Variants in ROBO1 observed in about 807,000 individuals in gnomAD.
The protein encoded by ROBO1 is roundabout guidance receptor 1.
Under a neutral mutation model 195.9 loss-of-function variants are expected in ROBO1, and 149 were observed. The ratio of observed to expected loss-of-function variants is 0.76; its 90% CI spans 0.67 to 0.87. The LOEUF (loss-of-function observed/expected upper bound fraction) is 0.87, where lower values mean the gene tolerates loss of function less well. ROBO1 is among the 40% of genes least tolerant of loss of function. The probability of loss-of-function intolerance (pLI) is 0.00; values close to 1 mark genes in which losing one functional copy is unlikely to be tolerated. For missense variants in ROBO1, 1,933 were observed against 2,068.3 expected (o/e 0.93, Z 1.27); for synonymous variants, 816 against 733.2 (o/e 1.11, Z -1.82).
At chr3:79,698,488 A>G (rs1187244600) in intron 1 of ROBO1, among the ~76,000 whole-genome samples, 1 of 151,438 alleles carries the variant, frequency 6.6e-6, no homozygotes, top group East Asian at 1.9e-4. Flanking sequence ...ATGATAGATA[A>G]TAATTTGATT....
At chr3:78,847,700 C>G (rs578173097) in intron 4 of ROBO1, among the ~76,000 whole-genome samples, 1 of 152,136 alleles carries the variant, frequency 6.6e-6, no homozygotes, top group South Asian at 2.1e-4. Context: ...CCTATTATTA[C>G]GATTATTTTA....
At chr3:79,663,765 C>T (rs183198977) in intron 1 of ROBO1, among the ~76,000 whole-genome samples, 12 of 152,108 alleles carry the variant, frequency 7.9e-5, no homozygotes, top group Admixed American at 5.9e-4. Flanking sequence ...ATGACATTGC[C>T]GACTGTTCAG....
chr3:79,562,335 G>A (rs1336693554), intron 2 of ROBO1, among the ~76,000 whole-genome samples: 2 of 152,010 alleles, frequency 1.3e-5, no homozygotes, highest in South Asian at 2.1e-4. Flanking sequence ...AGTAAAAGTA[G>A]TAGTACAGCA....
intron 2 of ROBO1, among the ~76,000 whole-genome samples, chr3:79,193,000 G>T (rs747385440): frequency 6.6e-6 from 1 of 151,660 alleles, no homozygotes; most frequent in Non-Finnish European, 1.5e-5. Context: ...ATGGTTACAT[G>T]TGGAAAGTGA....
At chr3:78,672,708 A>G (rs1438681147) in intron 10 of ROBO1, among the ~76,000 whole-genome samples, 1 of 152,204 alleles carries the variant, frequency 6.6e-6, no homozygotes, top group Non-Finnish European at 1.5e-5. Context: ...AATACTCGTA[A>G]AATGTTTACA....
At chr3:78,934,567 C>T (rs1188383286) in intron 4 of ROBO1, among the ~76,000 whole-genome samples, 2 of 151,826 alleles carry the variant, frequency 1.3e-5, no homozygotes, top group East Asian at 1.9e-4. Context: ...TGTATTTTCA[C>T]ATACATATAT....
At chr3:79,712,444 C>A (rs747788084) in intron 1 of ROBO1, among the ~76,000 whole-genome samples, 2 of 152,126 alleles carry the variant, frequency 1.3e-5, no homozygotes, top group South Asian at 2.1e-4. Flanking sequence ...GGCTCTAACT[C>A]TCTCCAATTC....
At chr3:79,620,676 C>T (rs1944979539) in intron 1 of ROBO1, among the ~76,000 whole-genome samples, 1 of 152,054 alleles carries the variant, frequency 6.6e-6, no homozygotes, top group Non-Finnish European at 1.5e-5. Flanking sequence ...CACATCCTCC[C>T]CTTGTGTCTC....
At chr3:79,581,994 C>T (rs781761353) in intron 2 of ROBO1, among the ~76,000 whole-genome samples, 1 of 151,656 alleles carries the variant, frequency 6.6e-6, no homozygotes, top group Non-Finnish European at 1.5e-5. Flanking sequence ...AATATCTATA[C>T]AAGGAACAAA....
intron 8 of ROBO1, among the ~76,000 whole-genome samples, chr3:78,713,132 A>G (rs2081806274): frequency 6.6e-6 from 1 of 151,914 alleles, no homozygotes; most frequent in African/African-American, 2.4e-5. Flanking sequence ...TCTAACTTAG[A>G]TTAAAGAGTA....
At position 79,211,985 on chromosome 3, in the gene ROBO1, A is replaced by C. The variant is rs544244531; in HGVS notation, c.89-86446T>G. ...GTTTCTATAGATTATAGATTAACTA[A>C]AAGTATTCCTTACGGGAAACAAAGG... On this transcript the variant is annotated intron_variant, in intron 2 of 30. Transcript: ENST00000464233. Among the ~76,000 whole-genome samples the C allele has an allele frequency of 2.0e-5, 3 of 152,370 alleles. No individual in the cohort carries two copies. In the South Asian group the frequency reaches 6.2e-4, roughly 32 times the overall value.
intron 8 of ROBO1, among the ~76,000 whole-genome samples, chr3:78,702,155 G>T (rs917480976): frequency 1.3e-5 from 2 of 152,130 alleles, no homozygotes; most frequent in Non-Finnish European, 2.9e-5. Context: ...CTCTAATGAT[G>T]ACCCTGATGT....
intron 2 of ROBO1, among the ~76,000 whole-genome samples, chr3:79,319,847 T>C (rs1339229979): frequency 6.6e-6 from 1 of 152,146 alleles, no homozygotes; most frequent in Admixed American, 6.5e-5. Flanking sequence ...TTATAATTTA[T>C]TGAATAATTA....
chr3:79,564,801 A>C (rs1943040272), intron 2 of ROBO1, among the ~76,000 whole-genome samples: 1 of 152,094 alleles, frequency 6.6e-6, no homozygotes, highest in Non-Finnish European at 1.5e-5. Context: ...CATGCTTTAG[A>C]ATTTGATAAT....
intron 2 of ROBO1, among the ~76,000 whole-genome samples, chr3:79,417,949 A>G (rs1366853390): frequency 1.3e-5 from 2 of 152,124 alleles, no homozygotes; most frequent in African/African-American, 4.8e-5. Context: ...CGACCAGATT[A>G]TTACAAAAAC....
intron 3 of ROBO1, among the ~76,000 whole-genome samples, chr3:78,999,871 G>A (rs140822014): frequency 2.4e-3 from 360 of 152,082 alleles, no homozygotes; most frequent in African/African-American, 8.2e-3. Context: ...GGGCAATCAC[G>A]CAAAACACAT....
intron 28 of ROBO1, among the ~76,000 whole-genome samples, chr3:78,612,228 A>G (rs954356623): frequency 2.0e-5 from 3 of 152,208 alleles, no homozygotes; most frequent in African/African-American, 7.2e-5. Flanking sequence ...ATGTATTGAC[A>G]ATAATCAAAC....
chr3:78,747,676 C>A (rs896560022), intron 4 of ROBO1, among the ~76,000 whole-genome samples: 7 of 152,082 alleles, frequency 4.6e-5, no homozygotes, highest in Admixed American at 2.0e-4. Flanking sequence ...TAGTCCCATA[C>A]TGTGGAGGAA....
At chr3:79,569,248 C>A (rs1256973308) in intron 2 of ROBO1, among the ~76,000 whole-genome samples, 1 of 152,174 alleles carries the variant, frequency 6.6e-6, no homozygotes, top group Non-Finnish European at 1.5e-5. Context: ...GTCAAAGGCA[C>A]TTTTATTAAC....
Sources: gnomAD v4.1 joint callset for allele counts (sites outside exome capture counted in the v4.1 genomes callset) on GRCh38, gnomAD v4.1.1 for gene constraint, MANE v1.5 for transcripts, NCBI Gene and HGNC (gene_info 2026-07-23, HGNC 2026-07-21) for gene names.